The following PTP4A3 variants were observed in gnomAD, a reference collection of about 807,000 sequenced individuals.
PTP4A3 encodes protein tyrosine phosphatase type IVA 3.
PTP4A3 carries 9 observed loss-of-function variants against 15.2 expected under a neutral mutation model. The observed-to-expected ratio is 0.59, with a 90% CI of 0.36 to 1.03. PTP4A3 has a LOEUF of 1.03. Among genes scored for constraint, PTP4A3 ranks in the 50% least tolerant of loss-of-function variants. The probability of loss-of-function intolerance (pLI) is 0.02; values close to 1 mark genes in which losing one functional copy is unlikely to be tolerated. For missense variants in PTP4A3, 234 were observed against 252.1 expected (o/e 0.93, Z 0.49); for synonymous variants, 95 against 102.0 (o/e 0.93, Z 0.41).
At chr8:141,411,514 CA>C (rs1448299661) in intron 1 of PTP4A3, among the ~76,000 whole-genome samples, 1 of 152,226 alleles carries the variant, frequency 6.6e-6, no homozygotes, top group Non-Finnish European at 1.5e-5. Context: ...ACCATCGGGC[CA>C]GCCCAGAAAT....
At chr8:141,407,406 C>A (rs1347585782) in intron 1 of PTP4A3, among the ~76,000 whole-genome samples, 4 of 152,188 alleles carry the variant, frequency 2.6e-5, no homozygotes, top group Non-Finnish European at 5.9e-5. Flanking sequence ...CTGGCTCAGT[C>A]CCTGAGGGTA....
At chr8:141,429,937 ACC>A in intron 5 of PTP4A3, among the ~76,000 whole-genome samples, 2 of 72,984 alleles carry the variant, frequency 2.7e-5, no homozygotes, top group African/African-American at 9.9e-5. Flanking sequence ...CGCTGTAAGG[ACC>A]TGGTGGCGGG....
At chr8:141,392,678 TC>T (rs1249956593) in intron 1 of PTP4A3, 2 of 152,216 alleles carry the variant, frequency 1.3e-5, no homozygotes, top group Non-Finnish European at 2.9e-5. Context: ...GCAGCCTTGA[TC>T]CACGTGCCTC....
chr8:141,411,129 A>G (rs1832857408), intron 1 of PTP4A3, among the ~76,000 whole-genome samples: 2 of 152,098 alleles, frequency 1.3e-5, no homozygotes, highest in African/African-American at 4.8e-5. Flanking sequence ...CTCCTCCTGT[A>G]TGCCAGGGTC....
chr8:141,410,963 C>T (rs1395420440), intron 1 of PTP4A3, among the ~76,000 whole-genome samples: 1 of 152,142 alleles, frequency 6.6e-6, no homozygotes, highest in Non-Finnish European at 1.5e-5. Context: ...GCCTCAGGTT[C>T]CCCATTTGTC....
intron 1 of PTP4A3, among the ~76,000 whole-genome samples, chr8:141,412,871 G>C (rs1036197770): frequency 3.9e-5 from 6 of 152,232 alleles, no homozygotes; most frequent in African/African-American, 1.4e-4. Context: ...GCATGCACGG[G>C]ACGGTTTTGC....
chr8:141,392,129 T>C (rs1224494022), intron 1 of PTP4A3, 45 bp downstream of exon 1: 1 of 146,484 alleles, frequency 6.8e-6, no homozygotes, highest in African/African-American at 2.5e-5. Context: ...GCGCGGCGCT[T>C]TGTGGAGGCG....
Position 141,419,099 on chromosome 8 carries a change from T to A in PTP4A3, c.-853-2289T>A, listed in dbSNP as rs142719992. Among the ~76,000 whole-genome samples the A allele has an allele frequency of 4.7e-4, 71 of 152,238 alleles. 1 individual carries two copies. The highest frequency in any genetic ancestry group is 3.5e-3 in the East Asian group (18 of 5,172). On this transcript the variant is annotated intron_variant, in intron 1 of 5. Coordinates refer to ENST00000521578, the MANE Select transcript of PTP4A3 (RefSeq NM_032611.3). ...CTGAGCGTAGCCCAGGCTAACCCCCTGATTCCGGCAGATGTGTGGCATCCT... is the reference window on the plus strand; with the variant it reads ...CTGAGCGTAGCCCAGGCTAACCCCCAGATTCCGGCAGATGTGTGGCATCCT...
chr8:141,410,143 G>T (rs556013333), intron 1 of PTP4A3, among the ~76,000 whole-genome samples: 1 of 152,352 alleles, frequency 6.6e-6, no homozygotes, highest in East Asian at 1.9e-4. Flanking sequence ...CCATGGCCTG[G>T]GCTGTCTGAG....
chr8:141,406,468 G>C lies in PTP4A3; in HGVS notation c.-854+14384G>C, dbSNP rs1832726643. 6.6e-6 allele frequency among the ~76,000 whole-genome samples: 1 copy of C among 151,952 alleles called. No homozygotes were observed. The highest frequency in any genetic ancestry group is 1.5e-5 in the Non-Finnish European group (1 of 67,966). ...CCCTTTCCGGAGAGCAGTTCCCTGG[G>C]GTGTCCCCCTGGGAAGTCCTGCCCT... On this transcript the variant is annotated intron_variant, in intron 1 of 5. Transcript: ENST00000521578. The surrounding 1 kb of genome is among the most constrained non-coding windows in gnomAD (Gnocchi z 4.5).
intron 1 of PTP4A3, among the ~76,000 whole-genome samples, chr8:141,411,376 G>A (rs1832864167): frequency 6.6e-6 from 1 of 152,216 alleles, no homozygotes; most frequent in Admixed American, 6.5e-5. Flanking sequence ...CCCCCAGTAG[G>A]ATCTAGGCAC....
chr8:141,426,650 C>A lies in PTP4A3; in HGVS notation c.199-289C>A, dbSNP rs142269862. 277 of 985,378 alleles carry A rather than the reference C, an allele frequency of 2.8e-4. No individual in the cohort carries two copies. In the African/African-American group the frequency reaches 4.4e-3, roughly 16 times the overall value. 61.0% of individuals were successfully genotyped at this position (985,378 alleles called of 1,614,324 possible). A position where few individuals can be genotyped will look rare whatever the true frequency, so the allele number is the denominator to read the frequency against. ...ACAGGTGTGGGGATTAGGATTTGTG[C>A]GACTCTGGAGCAGGCTCTATTCAGA... On this transcript the variant is annotated intron_variant, in intron 3 of 5. Coordinates refer to ENST00000521578, the MANE Select transcript of PTP4A3 (RefSeq NM_032611.3).
At chr8:141,399,441 C>T (rs1485580195) in intron 1 of PTP4A3, among the ~76,000 whole-genome samples, 2 of 150,310 alleles carry the variant, frequency 1.3e-5, no homozygotes, top group Non-Finnish European at 3.0e-5. Flanking sequence ...TGGGGGTGCC[C>T]GGGGCTCCCG....
Position 141,431,431 on chromosome 8 carries a change from T to C in PTP4A3, c.*387T>C, listed in dbSNP as rs561358767. The C allele has an allele frequency of 2.5e-4, 55 of 223,150 alleles. No homozygotes were observed. Among genetic ancestry groups the C allele is most frequent in the African/African-American group, 1.2e-3 (54 of 43,298 alleles). 13.8% of individuals were successfully genotyped at this position (223,150 alleles called of 1,614,324 possible). A position where few individuals can be genotyped will look rare whatever the true frequency, so the allele number is the denominator to read the frequency against. ...CCCCAGCCCCTCTTTTGCGACCCCT[T>C]GTCCTGACCTGTTCTCGGCACCTTA... On this transcript the variant is annotated 3_prime_UTR_variant, in exon 6 of 6. Transcript: ENST00000521578.
intron 1 of PTP4A3, among the ~76,000 whole-genome samples, chr8:141,399,329 G>T (rs1435039982): frequency 6.6e-6 from 1 of 152,208 alleles, no homozygotes; most frequent in Non-Finnish European, 1.5e-5. Flanking sequence ...TCCCCGTCCT[G>T]GGTCAGCCGC....
chr8:141,409,239 C>T (rs1411608541), intron 1 of PTP4A3, among the ~76,000 whole-genome samples: 2 of 152,340 alleles, frequency 1.3e-5, no homozygotes, highest in East Asian at 1.9e-4. Flanking sequence ...ATGGCCTGGC[C>T]ACAGCACTGC....
chr8:141,428,991 CTT>C (rs1833718764), intron 5 of PTP4A3, among the ~76,000 whole-genome samples: 1 of 152,262 alleles, frequency 6.6e-6, no homozygotes, highest in Non-Finnish European at 1.5e-5. Flanking sequence ...CGAGCAAGGG[CTT>C]GTCTCTCCCT....
intron 3 of PTP4A3, 21 bp from the exon 4 acceptor site, chr8:141,426,918 C>T (rs1833600782): frequency 6.2e-7 from 1 of 1,609,066 alleles, no homozygotes; most frequent in Non-Finnish European, 8.5e-7. Flanking sequence ...CGGGGGTCCT[C>T]ATGTCTGCTT....
At chr8:141,394,409 G>A (rs927075709) in intron 1 of PTP4A3, among the ~76,000 whole-genome samples, 3 of 152,126 alleles carry the variant, frequency 2.0e-5, no homozygotes, top group African/African-American at 7.2e-5. Flanking sequence ...ACCCCAGGGC[G>A]CTTTCTCACC....
Sources: allele counts gnomAD v4.1 joint callset (sites outside exome capture counted in the v4.1 genomes callset), GRCh38; gene constraint gnomAD v4.1.1; non-coding constraint Gnocchi (gnomAD v3.1); transcripts MANE v1.5; gene names NCBI Gene and HGNC (gene_info 2026-07-23, HGNC 2026-07-21).